The following DLG1 variants were observed in gnomAD, a reference collection of about 807,000 sequenced individuals.
DLG1 encodes the protein disks large homolog 1.
DLG1 carries 42 observed loss-of-function variants against 123.4 expected under a neutral mutation model. That is an observed-to-expected ratio of 0.34 (90% CI 0.27 to 0.44). The LOEUF (loss-of-function observed/expected upper bound fraction) is 0.44. DLG1 is among the 20% of genes least tolerant of loss of function. DLG1 has a pLI of 1.00. For synonymous variants in DLG1, 317 were observed against 356.2 expected (o/e 0.89, Z 1.24); for missense variants, 942 against 1,082.6 (o/e 0.87, Z 1.82).
At chr3:197,226,494 C>T (rs1740017093) in intron 4 of DLG1, 1 of 152,278 alleles carries the variant, frequency 6.6e-6, no homozygotes, top group Admixed American at 6.5e-5. Flanking sequence ...TGCTTTCTTA[C>T]TACACCACTA....
chr3:197,083,961 A>G (rs1752689924), intron 16 of DLG1, among the ~76,000 whole-genome samples: 1 of 152,152 alleles, frequency 6.6e-6, no homozygotes, highest in Admixed American at 6.5e-5. Flanking sequence ...CGACAGAGCA[A>G]GACCTTGTCT....
chr3:197,201,168 G>A (rs914812742), intron 4 of DLG1, among the ~76,000 whole-genome samples: 5 of 152,194 alleles, frequency 3.3e-5, no homozygotes, highest in African/African-American at 1.2e-4. Flanking sequence ...AGGATCACGA[G>A]GTCAGGAGAT....
At chr3:197,237,186 A>T (rs1246951833) in intron 4 of DLG1, among the ~76,000 whole-genome samples, 2 of 152,218 alleles carry the variant, frequency 1.3e-5, no homozygotes, top group Admixed American at 6.5e-5. Context: ...CATGCTACAT[A>T]CAACTAAAAT....
rs1178199059 is a variant in DLG1 at position 197,088,515 on chromosome 3, A to G, written c.1661+2397T>C. 2.0e-5 allele frequency among the ~76,000 whole-genome samples: 3 copies of G among 152,320 alleles called. No individual in the cohort carries two copies. The East Asian group carries it at 5.8e-4, about 29-fold the overall frequency. On this transcript the variant is annotated intron_variant, in intron 15 of 24. Transcript: ENST00000667157. ...CCTTTTCGCAGGAATTTACTGGAGG[A>G]TGTGCTCTAGGAAGATTAATTGAGA...
chr3:197,227,193 T>C (rs1323601151), intron 4 of DLG1, among the ~76,000 whole-genome samples: 1 of 152,158 alleles, frequency 6.6e-6, no homozygotes, highest in East Asian at 1.9e-4. Flanking sequence ...ATGAAGACTG[T>C]CAACTTTTAC....
chr3:197,278,088 C>T (rs1767389912), intron 4 of DLG1, among the ~76,000 whole-genome samples: 1 of 151,578 alleles, frequency 6.6e-6, no homozygotes, highest in Non-Finnish European at 1.5e-5. Flanking sequence ...AGTTTGAGAC[C>T]AGCCTGGCCA....
rs117540165 is a variant in DLG1, at chr3:197,279,085, T to C, written c.318+3594A>G. Among the ~76,000 whole-genome samples, 79 of 152,324 alleles carry C rather than the reference T, an allele frequency of 5.2e-4. No homozygotes were observed. In the East Asian group the frequency reaches 0.013, roughly 26 times the overall value. On this transcript the variant is annotated intron_variant, in intron 4 of 24. Coordinates refer to ENST00000667157, the MANE Select transcript of DLG1 (RefSeq NM_001366207.1). ...GATTCTCTAAGTCCCTTTTTAGTCCTAAACATCATGCCCCAAGAGTCTAAA... is the reference window on the plus strand; with the variant it reads ...GATTCTCTAAGTCCCTTTTTAGTCCCAAACATCATGCCCCAAGAGTCTAAA...
chr3:197,237,353 G>A (rs1235983001), intron 4 of DLG1, among the ~76,000 whole-genome samples: 1 of 152,140 alleles, frequency 6.6e-6, no homozygotes, highest in Admixed American at 6.5e-5. Flanking sequence ...GAAGAAATGA[G>A]CAACCCAGAA....
intron 4 of DLG1, among the ~76,000 whole-genome samples, chr3:197,243,916 C>T (rs888237250): frequency 6.6e-5 from 10 of 152,110 alleles, no homozygotes; most frequent in East Asian, 1.9e-4. Context: ...TCTTGTTTTA[C>T]GATGTTTTAT....
intron 14 of DLG1, among the ~76,000 whole-genome samples, chr3:197,096,312 C>T (rs1341960260): frequency 1.3e-5 from 2 of 152,196 alleles, no homozygotes; most frequent in African/African-American, 2.4e-5. Flanking sequence ...ATAACAATAA[C>T]CTAACATATA....
intron 4 of DLG1, among the ~76,000 whole-genome samples, chr3:197,217,374 C>A (rs1734637901): frequency 2.0e-5 from 3 of 152,178 alleles, no homozygotes; most frequent in African/African-American, 4.8e-5. Flanking sequence ...GTCCTCCCTA[C>A]TTCAAGATTA....
chr3:197,097,462 T>C (rs1761215935), intron 14 of DLG1, among the ~76,000 whole-genome samples: 1 of 152,208 alleles, frequency 6.6e-6, no homozygotes, highest in Admixed American at 6.5e-5. Context: ...TTTCATCTTT[T>C]TGTCTAGTTT....
intron 8 of DLG1, among the ~76,000 whole-genome samples, chr3:197,139,189 A>G (rs1314141505): frequency 6.6e-6 from 1 of 152,162 alleles, no homozygotes; most frequent in Admixed American, 6.5e-5. Flanking sequence ...GTATTCCACC[A>G]GGAAAAAAAG....
chr3:197,288,743 A>AACATACATAC (rs1553827364), intron 3 of DLG1, among the ~76,000 whole-genome samples: 6 of 72,078 alleles, frequency 8.3e-5, no homozygotes, highest in Admixed American at 1.7e-4. Context: ...AAAAAAAAAA[A>AACATACATAC]ATACATACAT....
intron 8 of DLG1, among the ~76,000 whole-genome samples, chr3:197,139,107 T>C (rs1786614928): frequency 6.6e-6 from 1 of 152,222 alleles, no homozygotes; most frequent in African/African-American, 2.4e-5. Context: ...TGCCATGGTG[T>C]TATGTTTTTT....
chr3:197,288,741 A>ATACATACATACATACATACAT (rs1213910267), intron 3 of DLG1, among the ~76,000 whole-genome samples: 5 of 63,430 alleles, frequency 7.9e-5, no homozygotes, highest in African/African-American at 3.9e-4. Context: ...AAAAAAAAAA[A>ATACATACATACATACATACAT]AAATACATAC....
chr3:197,146,845 G>C (rs1303155218), intron 6 of DLG1, among the ~76,000 whole-genome samples: 1 of 152,126 alleles, frequency 6.6e-6, no homozygotes, highest in Non-Finnish European at 1.5e-5. Context: ...ATAATCAGCA[G>C]AGTTAACAGG....
At chr3:197,293,065 T>G (rs1248214727) in intron 3 of DLG1, among the ~76,000 whole-genome samples, 2 of 152,174 alleles carry the variant, frequency 1.3e-5, no homozygotes, top group Non-Finnish European at 2.9e-5. Context: ...CCATATCCCG[T>G]CTACTCAAAA....
intron 15 of DLG1, among the ~76,000 whole-genome samples, chr3:197,089,912 A>C (rs1756785442): frequency 6.6e-6 from 1 of 152,226 alleles, no homozygotes; most frequent in Non-Finnish European, 1.5e-5. Flanking sequence ...ATAAGTACCA[A>C]GTACAGCAAA....
Sources: gnomAD v4.1 joint callset for allele counts (sites outside exome capture counted in the v4.1 genomes callset) on GRCh38, gnomAD v4.1.1 for gene constraint, MANE v1.5 for transcripts, NCBI Gene and HGNC (gene_info 2026-07-23, HGNC 2026-07-21) for gene names.